Variants in CUL1 observed in about 807,000 individuals in gnomAD.
CUL1 encodes cullin 1.
A neutral mutation model predicts 118.0 loss-of-function variants in CUL1; 24 were observed. That is an observed-to-expected ratio of 0.20 (90% confidence interval 0.15 to 0.29). The LOEUF (loss-of-function observed/expected upper bound fraction) is 0.29, where lower values mean the gene tolerates loss of function less well. CUL1 is among the 10% of genes least tolerant of loss of function. The pLI is 1.00. For missense variants in CUL1, 361 were observed against 933.8 expected (o/e 0.39, Z 7.99); for synonymous variants, 332 against 340.4 (o/e 0.98, Z 0.27).
At chr7:148,720,176 AGCG>A (rs1798355067) in intron 1 of CUL1, among the ~76,000 whole-genome samples, 7 of 151,024 alleles carry the variant, frequency 4.6e-5, no homozygotes, top group African/African-American at 1.7e-4. Flanking sequence ...AATAAAACGC[AGCG>A]TATAGAAGAA....
intron 1 of CUL1, among the ~76,000 whole-genome samples, chr7:148,708,601 G>A (rs936971530): frequency 6.6e-6 from 1 of 152,182 alleles, no homozygotes; most frequent in Non-Finnish European, 1.5e-5. Context: ...AGTGGGCTCT[G>A]CTCTTTGTCT....
intron 9 of CUL1, 92 bp downstream of exon 9, chr7:148,767,841 A>G (rs1800057099): frequency 7.9e-7 from 1 of 1,272,614 alleles, no homozygotes; most frequent in African/African-American, 1.5e-5. Flanking sequence ...CCAAATCTAA[A>G]TGGTACCATT....
intron 1 of CUL1, among the ~76,000 whole-genome samples, chr7:148,716,231 C>G (rs940156040): frequency 6.6e-6 from 1 of 152,030 alleles, no homozygotes; most frequent in Non-Finnish European, 1.5e-5. Flanking sequence ...ATTCCACATG[C>G]TAACACATGC....
At chr7:148,736,622 T>C (rs2129459787) in intron 2 of CUL1, among the ~76,000 whole-genome samples, 1 of 152,304 alleles carries the variant, frequency 6.6e-6, no homozygotes, top group South Asian at 2.1e-4. Flanking sequence ...GACATAAAAA[T>C]GTACTGTGGC....
intron 2 of CUL1, among the ~76,000 whole-genome samples, chr7:148,736,405 TCCACC>T (rs1798944267): frequency 6.6e-6 from 1 of 152,156 alleles, no homozygotes; most frequent in African/African-American, 2.4e-5. Context: ...CTCAAGTGAT[TCCACC>T]CCCCACCCCA....
At chr7:148,780,204 G>A (rs765006596) in intron 9 of CUL1, among the ~76,000 whole-genome samples, 4 of 152,178 alleles carry the variant, frequency 2.6e-5, no homozygotes, top group Non-Finnish European at 5.9e-5. Context: ...GTTTGTTGTC[G>A]TGGTTCAGAT....
chr7:148,755,017 T>C (rs1799612103), intron 3 of CUL1, among the ~76,000 whole-genome samples: 1 of 152,156 alleles, frequency 6.6e-6, no homozygotes, highest in South Asian at 2.1e-4. Flanking sequence ...CCTCCCGAAG[T>C]GTTGGGATTA....
In CUL1 at chr7:148,709,587, T is replaced by C. The variant is rs149170378; in HGVS notation, c.-162+10558T>C. 3.5e-4 allele frequency among the ~76,000 whole-genome samples: 54 copies of C among 152,356 alleles called. No individual in the cohort carries two copies. The Middle Eastern group carries it at 0.017, about 48-fold the overall frequency. On this transcript the variant is annotated intron_variant, in intron 1 of 21. Coordinates refer to ENST00000325222, the MANE Select transcript of CUL1 (RefSeq NM_003592.3). The stretch of plus-strand genomic sequence containing the variant: ...TTTTCAAAGTAAGCTACTTGAAGTA[T>C]AAGCTTAAAAAGCTTGCTTGAGAAA...
intron 11 of CUL1, among the ~76,000 whole-genome samples, chr7:148,785,107 T>TGGGTA (rs1800772030): frequency 2.6e-5 from 4 of 152,220 alleles, no homozygotes; most frequent in Non-Finnish European, 5.9e-5. Flanking sequence ...AGCTTTCTCT[T>TGGGTA]AACGCAGTTT....
rs200765730 is a variant in CUL1, at chr7:148,701,242, G to T, written c.-162+2213G>T. On this transcript the variant is annotated intron_variant, in intron 1 of 21. Coordinates refer to ENST00000325222, the MANE Select transcript of CUL1 (RefSeq NM_003592.3). ...TGGCTACAGAAAACACAGTCGTTGT[G>T]CTTAAGCCGGTTAAGAATTCAAGCT... Among the ~76,000 whole-genome samples the T allele has an allele frequency of 2.0e-5, 3 of 152,246 alleles. No homozygotes were observed. The East Asian group carries it at 5.8e-4, about 29-fold the overall frequency.
At chr7:148,770,641 C>T (rs1363920126) in intron 9 of CUL1, among the ~76,000 whole-genome samples, 1 of 152,166 alleles carries the variant, frequency 6.6e-6, no homozygotes, top group African/African-American at 2.4e-5. Flanking sequence ...CGTGCCCTTC[C>T]CTGCTCTGGG....
chr7:148,791,353 A>G (rs1323896591), intron 16 of CUL1, among the ~76,000 whole-genome samples: 2 of 152,252 alleles, frequency 1.3e-5, no homozygotes. Context: ...CAAGCTGCTC[A>G]TTAATTTAAA....
intron 2 of CUL1, among the ~76,000 whole-genome samples, chr7:148,743,644 C>T (rs1799215440): frequency 6.6e-6 from 1 of 152,238 alleles, no homozygotes; most frequent in African/African-American, 2.4e-5. Context: ...TGGCTCACAT[C>T]TGTAATCCCA....
Position 148,788,682 on chromosome 7 carries a change from T to C in CUL1, c.1597+8T>C, listed in dbSNP as rs762787941. 1 of 1,543,750 alleles carries C rather than the reference T, an allele frequency of 6.5e-7. No homozygotes were observed. Among genetic ancestry groups the C allele is most frequent in the Non-Finnish European group, 9.0e-7 (1 of 1,116,868 alleles). ...ACTCAGAACCCCTAGACTGTGAGTA[T>C]CCGTGTGTCTCTATGTTGTGTTTAC... On this transcript the variant is annotated splice_region_variant and intron_variant, in intron 14 of 21. Coordinates refer to ENST00000325222, the MANE Select transcript of CUL1 (RefSeq NM_003592.3).
intron 1 of CUL1, among the ~76,000 whole-genome samples, chr7:148,728,403 C>T (rs928248665): frequency 6.6e-6 from 1 of 152,072 alleles, no homozygotes; most frequent in Non-Finnish European, 1.5e-5. Flanking sequence ...ATTATTTCCC[C>T]TTAGGGAAAA....
In CUL1 at chr7:148,800,379, C is replaced by T. The variant is rs1263470328; in HGVS notation, c.2251-123C>T. 1.4e-6 allele frequency: 1 copy of T among 731,508 alleles called. No individual in the cohort carries two copies. Among genetic ancestry groups the T allele is most frequent in the East Asian group, 2.7e-5 (1 of 37,682 alleles). The allele number at this position is 731,508 out of a possible 1,614,324, so 45.3% of individuals were successfully genotyped here. A position where few individuals can be genotyped will look rare whatever the true frequency, so the allele number is the denominator to read the frequency against. On this transcript the variant is annotated intron_variant, in intron 21 of 21. Coordinates refer to ENST00000325222, the MANE Select transcript of CUL1 (RefSeq NM_003592.3). The surrounding 1 kb of genome is among the most constrained non-coding windows in gnomAD (Gnocchi z 4.6). ...TGCTAACAGATCTGGGGCGGGGACACTGCTCCCCACTGAGCTCCGAATCAG... is the reference window on the plus strand; with the variant it reads ...TGCTAACAGATCTGGGGCGGGGACATTGCTCCCCACTGAGCTCCGAATCAG...
At chr7:148,705,275 T>G (rs898484149) in intron 1 of CUL1, among the ~76,000 whole-genome samples, 1 of 152,232 alleles carries the variant, frequency 6.6e-6, no homozygotes, top group Non-Finnish European at 1.5e-5. Flanking sequence ...CTTTTTTTGC[T>G]TAGTTCACAA....
At chr7:148,779,080 G>A (rs1177610994) in intron 9 of CUL1, among the ~76,000 whole-genome samples, 1 of 152,156 alleles carries the variant, frequency 6.6e-6, no homozygotes, top group Non-Finnish European at 1.5e-5. Context: ...GCCATATTCG[G>A]TTTACCTTTT....
chr7:148,718,554 AT>A (rs11440288), intron 1 of CUL1, among the ~76,000 whole-genome samples: 8 of 150,484 alleles, frequency 5.3e-5, no homozygotes, highest in African/African-American at 1.5e-4. Context: ...TCAGTACTTG[AT>A]TTTTTTTTTA....
Sources: gnomAD v4.1 joint callset for allele counts (sites outside exome capture counted in the v4.1 genomes callset) on GRCh38, gnomAD v4.1.1 for gene constraint, Gnocchi (gnomAD v3.1) non-coding constraint, MANE v1.5 for transcripts, NCBI Gene and HGNC (gene_info 2026-07-23, HGNC 2026-07-21) for gene names.